DNAJC21: variants seen among roughly 807,000 people sequenced by gnomAD.
DNAJC21 encodes the protein dnaJ homolog subfamily C member 21.
A neutral mutation model predicts 72.4 loss-of-function variants in DNAJC21; 63 were observed. The observed-to-expected ratio is 0.87, with a 90% CI of 0.71 to 1.07. The LOEUF is 1.07. Ranked by LOEUF, DNAJC21 falls within the 50% of genes least tolerant of loss-of-function variation. DNAJC21 has a pLI of 0.00. For missense variants in DNAJC21, 634 were observed against 644.8 expected, an observed-to-expected ratio of 0.98 and a Z score of 0.18; for synonymous variants, 203 against 216.7, an observed-to-expected ratio of 0.94 and a Z score of 0.56.
intron 6 of DNAJC21, among the ~76,000 whole-genome samples, chr5:34,939,424 C>G (rs534786145): frequency 1.3e-5 from 2 of 152,148 alleles, no homozygotes; most frequent in African/African-American, 4.8e-5. Flanking sequence ...CGCCACCGCG[C>G]CCGGCTAATT....
In DNAJC21 at chr5:34,950,187, C is replaced by CA. The variant is rs1167022990; in HGVS notation, c.1205dup (p.Asn402LysfsTer12). ...TTACCTAGAATTATGATGACAATTT[C>CA]AATGTAAATGGACCTGGAGAAGGAG... On this transcript the variant is annotated frameshift_variant, in exon 10 of 12. Transcript: ENST00000648817. LOFTEE classifies it high-confidence loss of function. 1.2e-6 allele frequency: 2 copies of CA among 1,604,338 alleles called. No homozygotes were observed. The highest frequency in any genetic ancestry group is 1.7e-6 in the Non-Finnish European group (2 of 1,176,820).
Position 34,945,634 on chromosome 5 carries a change from A to T in DNAJC21, c.1143-127A>T. On this transcript the variant is annotated intron_variant, in intron 8 of 11. Transcript: ENST00000648817. The stretch of plus-strand genomic sequence containing the variant: ...TTTATTTTCCTTTTAATGCTTTAAG[A>T]TATTAAATATTTTTAATCTTTTACT... 5.4e-6 allele frequency: 4 copies of T among 737,504 alleles called. No homozygotes were observed. The Admixed American group carries it at 1.0e-4, about 19-fold the overall frequency. The allele number at this position is 737,504 out of a possible 1,614,324, so 45.7% of individuals were successfully genotyped here.
intron 10 of DNAJC21, chr5:34,951,321 CAGGTTAATTGTCCA>C: frequency 1.0e-6 from 1 of 985,372 alleles, no homozygotes; most frequent in Non-Finnish European, 1.2e-6. Flanking sequence ...AACTGAATTT[CAGGTTAATTGTCCA>C]AGGACAAAAG....
chr5:34,936,062 T>C lies in DNAJC21; in HGVS notation c.316-82T>C, dbSNP rs1764761312. On this transcript the variant is annotated intron_variant, in intron 3 of 11. Transcript: ENST00000648817. The stretch of plus-strand genomic sequence containing the variant: ...GTCCCAAAATTCTTCAACATTAAAA[T>C]TTTTCATTTTGTATTTTAAAATCTT... 4.5e-6 allele frequency: 7 copies of C among 1,538,492 alleles called. No individual in the cohort carries two copies. The South Asian group carries it at 9.0e-5, about 20-fold the overall frequency.
At chr5:34,935,006 T>C (rs1331352766) in intron 2 of DNAJC21, among the ~76,000 whole-genome samples, 2 of 152,206 alleles carry the variant, frequency 1.3e-5, no homozygotes, top group Non-Finnish European at 2.9e-5. Flanking sequence ...TCTCAAGATC[T>C]TGGGTTGTTT....
At chr5:34,949,410 C>T in intron 9 of DNAJC21, 3 of 1,361,542 alleles carry the variant, frequency 2.2e-6, no homozygotes, top group Non-Finnish European at 2.9e-6. Flanking sequence ...TCCTTGATTA[C>T]ACCCCCTATC....
intron 1 of DNAJC21, among the ~76,000 whole-genome samples, chr5:34,933,142 T>C (rs2112021424): frequency 6.6e-6 from 1 of 152,344 alleles, no homozygotes; most frequent in Middle Eastern, 3.4e-3. Context: ...AAAAAAACAA[T>C]GTCAGCACTA....
intron 7 of DNAJC21, among the ~76,000 whole-genome samples, chr5:34,943,994 G>A (rs968013158): frequency 3.9e-5 from 6 of 152,218 alleles, no homozygotes; most frequent in East Asian, 1.9e-4. Context: ...GGGCAGCTTG[G>A]TCTCAAGGAG....
intron 9 of DNAJC21, 41 bp downstream of exon 9, chr5:34,945,844 A>C: frequency 7.2e-7 from 1 of 1,384,858 alleles, no homozygotes; most frequent in Non-Finnish European, 1.0e-6. Context: ...TGCCAACGAT[A>C]AAGTTGCAGT....
chr5:34,953,720 C>T, intron 10 of DNAJC21: 5 of 430,110 alleles, frequency 1.2e-5, no homozygotes, highest in Non-Finnish European at 2.1e-5. Context: ...AATTTTTGTG[C>T]CAAATTTGAT....
chr5:34,936,314 A>G (rs774079221), intron 4 of DNAJC21, 48 bp downstream of exon 4: 4 of 1,584,980 alleles, frequency 2.5e-6, no homozygotes, highest in Non-Finnish European at 3.4e-6. Flanking sequence ...TCACTGTGTC[A>G]TTTTTAAATT....
intron 9 of DNAJC21, among the ~76,000 whole-genome samples, chr5:34,947,445 G>C (rs903741551): frequency 6.6e-6 from 1 of 152,004 alleles, no homozygotes; most frequent in African/African-American, 2.4e-5. Context: ...GAAGTATCAC[G>C]TAGTTAAATT....
Position 34,954,700 on chromosome 5 carries a change from C to T in DNAJC21, c.1582C>T (p.Arg528Cys), listed in dbSNP as rs150557262. The part of the protein sequence containing the change: ...ATSSQSKKEK[R>C]KNR ...AAGTAGTCAAAGCAAGAAAGAGAAA[C>T]GTAAAAACAGATAGAGATTCTGCCT... Residue 528 changes from arginine to cysteine, a missense_variant, in exon 12 of 12, where the codon CGT becomes TGT. Transcript: ENST00000648817. 9 of 1,603,676 alleles carry T rather than the reference C, an allele frequency of 5.6e-6. No homozygotes were observed. The highest frequency in any genetic ancestry group is 1.3e-5 in the African/African-American group (1 of 74,324).
rs755873236 is a variant in DNAJC21 at position 34,954,702 on chromosome 5, TAAAAAC to T, written c.1586_1591del (p.Lys529_Asn530del). The T allele has an allele frequency of 1.2e-6, 2 of 1,604,824 alleles. No homozygotes were observed. The highest frequency in any genetic ancestry group is 1.7e-6 in the Non-Finnish European group (2 of 1,176,446). The stretch of plus-strand genomic sequence containing the variant: ...GTAGTCAAAGCAAGAAAGAGAAACG[TAAAAAC>T]AGATAGAGATTCTGCCTGTGCTTTT... On this transcript the variant is annotated inframe_deletion, in exon 12 of 12. Transcript: ENST00000648817.
intron 4 of DNAJC21, 75 bp from the exon 5 acceptor site, chr5:34,937,251 G>C (rs1580526526): frequency 3.5e-6 from 5 of 1,424,744 alleles, no homozygotes; most frequent in Admixed American, 4.6e-5. Flanking sequence ...AAGATGTTTC[G>C]CATCAGTAAT....
chr5:34,941,285 C>A, intron 7 of DNAJC21, 102 bp downstream of exon 7: 1 of 1,032,422 alleles, frequency 9.7e-7, no homozygotes, highest in Admixed American at 2.0e-5. Context: ...ACAGCCTCGA[C>A]CTGTTGAACT....
chr5:34,954,738 G>T lies in DNAJC21; in HGVS notation c.*24G>T. 6.5e-7 allele frequency: 1 copy of T among 1,545,564 alleles called. No homozygotes were observed. The highest frequency in any genetic ancestry group is 1.3e-5 in the South Asian group (1 of 79,958). On this transcript the variant is annotated 3_prime_UTR_variant, in exon 12 of 12. Transcript: ENST00000648817. Reference sequence around the variant, plus strand: ...AGAGATTCTGCCTGTGCTTTTGTTTGACTGTCTCTAGATTTTGAAACCAAA... The same window carrying T: ...AGAGATTCTGCCTGTGCTTTTGTTTTACTGTCTCTAGATTTTGAAACCAAA...
intron 7 of DNAJC21, 81 bp downstream of exon 7, chr5:34,941,264 C>A: frequency 8.0e-7 from 1 of 1,250,778 alleles, no homozygotes; most frequent in Non-Finnish European, 1.1e-6. Context: ...GTGGCACAGT[C>A]ATGACTCACC....
intron 1 of DNAJC21, among the ~76,000 whole-genome samples, chr5:34,933,274 CTTTTA>C (rs1041227923): frequency 7.0e-4 from 107 of 152,086 alleles, no homozygotes; most frequent in African/African-American, 2.5e-3. Flanking sequence ...ACTTGTTTTA[CTTTTA>C]TTTTATTTTA....
Sources: allele counts gnomAD v4.1 joint callset (sites outside exome capture counted in the v4.1 genomes callset), GRCh38; gene constraint gnomAD v4.1.1; transcripts MANE v1.5; gene names NCBI Gene and HGNC (gene_info 2026-07-23, HGNC 2026-07-21).